The following PLB1 variants were observed in gnomAD, a reference collection of about 807,000 sequenced individuals.
The protein encoded by PLB1 is phospholipase B1, membrane-associated.
PLB1 carries 242 observed loss-of-function variants against 227.4 expected under a neutral mutation model. The observed-to-expected ratio is 1.06, with a 90% CI of 0.96 to 1.18. The LOEUF (loss-of-function observed/expected upper bound fraction) is 1.18. Among genes scored for constraint, PLB1 ranks in the 50% most tolerant of loss-of-function variants. PLB1 has a pLI of 0.00. For synonymous variants in PLB1, 757 were observed against 682.2 expected (o/e 1.11, Z -1.71); for missense variants, 1,858 against 1,816.3 (o/e 1.02, Z -0.42).
chr2:28,595,924 A>G (rs1291995939), intron 33 of PLB1: 2 of 152,172 alleles, frequency 1.3e-5, no homozygotes, highest in Non-Finnish European at 2.9e-5. Flanking sequence ...GAGATTCTGT[A>G]GTGAACGGTT....
At chr2:28,592,789 T>C in intron 32 of PLB1, 70 bp downstream of exon 32, 1 of 1,461,206 alleles carries the variant, frequency 6.8e-7, no homozygotes, top group Non-Finnish European at 9.5e-7. Flanking sequence ...CCTCTTAACT[T>C]AAGGGTCTGC....
intron 1 of PLB1, among the ~76,000 whole-genome samples, chr2:28,496,767 A>ATCCCTCTCTGCCCCTC (rs1231237020): frequency 7.2e-5 from 11 of 152,146 alleles, no homozygotes; most frequent in African/African-American, 2.6e-4. Context: ...CTCTGCCACA[A>ATCCCTCTCTGCCCCTC]TCCCTCTCTG....
In PLB1 at chr2:28,621,039, A is replaced by G. The variant is rs1199667616; in HGVS notation, c.3527+61A>G. 7.7e-6 allele frequency: 11 copies of G among 1,425,592 alleles called. No homozygotes were observed. In the East Asian group the frequency reaches 2.0e-4, roughly 27 times the overall value. 88.3% of individuals were successfully genotyped at this position (1,425,592 alleles called of 1,614,324 possible). A position where few individuals can be genotyped will look rare whatever the true frequency, so the allele number is the denominator to read the frequency against. On this transcript the variant is annotated intron_variant, in intron 49 of 57. Transcript: ENST00000327757. ...CAAGACTGAGACATCAGGGTGGGAA[A>G]CCGGAGGAGAGGAGGGTGGTGTCCA...
intron 49 of PLB1, among the ~76,000 whole-genome samples, chr2:28,622,179 A>G (rs1026905819): frequency 2.0e-5 from 3 of 152,224 alleles, no homozygotes; most frequent in Admixed American, 1.3e-4. Context: ...GTTTATTAGC[A>G]TAGATACAGA....
chr2:28,542,148 A>C (rs887329819), intron 13 of PLB1, among the ~76,000 whole-genome samples: 1 of 150,594 alleles, frequency 6.6e-6, no homozygotes, highest in Non-Finnish European at 1.5e-5. Flanking sequence ...AAAAAAAAAA[A>C]AGTGTGAAGA....
At position 28,598,734 on chromosome 2, in the gene PLB1, T is replaced by A. The variant is rs1683385221; in HGVS notation, c.2448T>A (p.Asn816Lys). Residue 816 changes from asparagine to lysine, a missense_variant, in exon 35 of 58, where the codon AAT becomes AAA. Physicochemically the swap from Asn to Lys is moderately conservative, Grantham distance 94. Transcript: ENST00000327757. ...CCAATGACACGAATGCATTCCTCAA[T>A]CAAGCTGTTCCCGGAGCAAAGGCTG... is the stretch of plus-strand genomic sequence containing the variant. ...GDANDTNAFLNQAVPGAKAED... is the reference protein window; with the variant it reads ...GDANDTNAFLKQAVPGAKAED... 6 of 1,614,022 alleles carry A rather than the reference T, an allele frequency of 3.7e-6. No homozygotes were observed. Among genetic ancestry groups the A allele is most frequent in the African/African-American group, 1.3e-5 (1 of 74,936 alleles).
intron 18 of PLB1, among the ~76,000 whole-genome samples, chr2:28,563,741 G>T (rs1488677761): frequency 6.6e-6 from 1 of 152,092 alleles, no homozygotes; most frequent in Non-Finnish European, 1.5e-5. Context: ...AGTCCCAGAG[G>T]TTCCTAGACA....
In PLB1 at chr2:28,573,107, C is replaced by G. The variant is rs1678291869; in HGVS notation, c.1325-90C>G. The G allele has an allele frequency of 5.0e-6, 5 of 994,330 alleles. No individual in the cohort carries two copies. In the African/African-American group the frequency reaches 6.3e-5, roughly 13 times the overall value. 61.6% of individuals were successfully genotyped at this position (994,330 alleles called of 1,614,324 possible). On this transcript the variant is annotated intron_variant, in intron 20 of 57. Transcript: ENST00000327757. ...GAGTAGGGGCTGCGGAGTGGGGACT[C>G]TGTTCCCTAACACCCACTGGTGCTT...
rs150436122 is a variant in PLB1 at position 28,582,634 on chromosome 2, C to T, written c.1733+129C>T. 1.4e-4 allele frequency: 100 copies of T among 697,532 alleles called. No individual in the cohort carries two copies. In the Middle Eastern group the frequency reaches 3.6e-3, roughly 25 times the overall value. The allele number at this position is 697,532 out of a possible 1,614,324, so 43.2% of individuals were successfully genotyped here. On this transcript the variant is annotated intron_variant, in intron 25 of 57. Coordinates refer to ENST00000327757, the MANE Select transcript of PLB1 (RefSeq NM_153021.5). ...GGGCTGTGACCACCCCATCTTCTAACCTGGAAAAGCCTAAGGGGAGGATAT... is the reference window on the plus strand; with the variant it reads ...GGGCTGTGACCACCCCATCTTCTAATCTGGAAAAGCCTAAGGGGAGGATAT...
At chr2:28,603,061 C>T (rs768770764) in intron 39 of PLB1, 140 bp downstream of exon 39, 7 of 712,186 alleles carry the variant, frequency 9.8e-6, no homozygotes, top group South Asian at 3.6e-5. Context: ...TCTGCCAGAA[C>T]GTCCCCTTCC....
intron 3 of PLB1, among the ~76,000 whole-genome samples, chr2:28,519,158 T>G (rs904478948): frequency 6.6e-6 from 1 of 152,176 alleles, no homozygotes; most frequent in African/African-American, 2.4e-5. Context: ...TAGGGAGACT[T>G]CATTGCTAAA....
At chr2:28,544,245 T>C (rs1158939053) in intron 14 of PLB1, among the ~76,000 whole-genome samples, 3 of 152,342 alleles carry the variant, frequency 2.0e-5, no homozygotes, top group Non-Finnish European at 2.9e-5. Context: ...CAGGGACGTC[T>C]CTCAGTGTGC....
At chr2:28,554,489 C>CTGTTTTTTTTTTTTT in intron 17 of PLB1, among the ~76,000 whole-genome samples, 1 of 85,474 alleles carries the variant, frequency 1.2e-5, no homozygotes, top group African/African-American at 5.3e-5. Context: ...CCACACCTGC[C>CTGTTTTTTTTTTTTT]TTTTTTTTTT....
Position 28,588,249 on chromosome 2 carries a change from C to T in PLB1, c.1816-1201C>T, listed in dbSNP as rs73922184. On this transcript the variant is annotated intron_variant, in intron 26 of 57. Coordinates refer to ENST00000327757, the MANE Select transcript of PLB1 (RefSeq NM_153021.5). Reference sequence around the variant, plus strand: ...ACTGTGAGCCCATCTGGCTATCCCCCGAGTAACCAGTAGCGTTGGAAGGGA... The same window carrying T: ...ACTGTGAGCCCATCTGGCTATCCCCTGAGTAACCAGTAGCGTTGGAAGGGA... 8.8e-3 allele frequency among the ~76,000 whole-genome samples: 1,340 copies of T among 152,300 alleles called. 23 individuals are homozygous for T. The highest frequency in any genetic ancestry group is 0.03 in the African/African-American group (1,264 of 41,566).
At chr2:28,536,858 C>T (rs1435342945) in intron 9 of PLB1, among the ~76,000 whole-genome samples, 1 of 152,126 alleles carries the variant, frequency 6.6e-6, no homozygotes, top group East Asian at 1.9e-4. Flanking sequence ...ACTGGGTGGG[C>T]CCCAATTCCC....
rs1415768606 is a variant in PLB1 at position 28,620,295 on chromosome 2, A to G, written c.3346A>G (p.Ser1116Gly). Residue 1116 changes from serine (S) to glycine (G), a missense_variant, in exon 47 of 58, where the codon AGT becomes GGT. Ser to Gly is a moderately conservative substitution (Grantham distance 56). Transcript: ENST00000327757. Reference protein sequence around the residue: ...TAVGARPNNSSDLPTSWRGLS... With the variant: ...TAVGARPNNSGDLPTSWRGLS... ...AGTGGGAGCTCGACCAAACAACTCC[A>G]GTGACCTACCCACATCTTGGAGGGG... 4 of 1,606,568 alleles carry G rather than the reference A, an allele frequency of 2.5e-6. No homozygotes were observed. The South Asian group carries it at 3.3e-5, about 13-fold the overall frequency.
chr2:28,516,230 G>C (rs1385913718), intron 1 of PLB1, among the ~76,000 whole-genome samples: 1 of 152,134 alleles, frequency 6.6e-6, no homozygotes, highest in Non-Finnish European at 1.5e-5. Context: ...CCAAAAGTAA[G>C]CTGGGACAAG....
chr2:28,584,740 G>A (rs1056888371), intron 25 of PLB1, among the ~76,000 whole-genome samples: 5 of 152,168 alleles, frequency 3.3e-5, no homozygotes, highest in African/African-American at 1.2e-4. Flanking sequence ...GAGTCTACAC[G>A]GAGCCATCCC....
rs530924161 is a variant in PLB1, at chr2:28,622,990, T to C, written c.3527+2012T>C. On this transcript the variant is annotated intron_variant, in intron 49 of 57. Transcript: ENST00000327757. ...ACTCTAGGTAAGGAGGCTAAACAAA[T>C]GGGAAATAACTTTCTGAAAAAGACA... Among the ~76,000 whole-genome samples the C allele has an allele frequency of 3.3e-5, 5 of 152,278 alleles. No individual in the cohort carries two copies. In the South Asian group the frequency reaches 1.0e-3, roughly 32 times the overall value.
Sources: gnomAD v4.1 joint callset for allele counts (sites outside exome capture counted in the v4.1 genomes callset) on GRCh38, gnomAD v4.1.1 for gene constraint, MANE v1.5 for transcripts, NCBI Gene and HGNC (gene_info 2026-07-23, HGNC 2026-07-21) for gene names.